The following ATXN1 variants were observed in gnomAD, a reference collection of about 807,000 sequenced individuals.
The protein encoded by ATXN1 is ataxin 1, also known as ataxin-1.
A neutral mutation model predicts 56.4 loss-of-function variants in ATXN1; 8 were observed. That is an observed-to-expected ratio of 0.14 (90% CI 0.08 to 0.26). The LOEUF (loss-of-function observed/expected upper bound fraction) is 0.26, where lower values mean the gene tolerates loss of function less well. ATXN1 is among the 10% of genes least tolerant of loss of function. ATXN1 has a pLI of 1.00. For synonymous variants in ATXN1, 514 were observed against 494.6 expected (o/e 1.04, Z -0.52); for missense variants, 987 against 1,106.5 (o/e 0.89, Z 1.53).
chr6:16,714,289 C>A (rs1242281705), intron 2 of ATXN1, among the ~76,000 whole-genome samples: 1 of 151,786 alleles, frequency 6.6e-6, no homozygotes, highest in Non-Finnish European at 1.5e-5. Context: ...ACCCACCTTT[C>A]GGAGGTAGGC....
intron 3 of ATXN1, among the ~76,000 whole-genome samples, chr6:16,656,437 G>A (rs754151599): frequency 3.9e-5 from 6 of 152,124 alleles, no homozygotes; most frequent in Non-Finnish European, 8.8e-5. Flanking sequence ...AGATAGGTGG[G>A]GCAGACCTAG....
intron 6 of ATXN1, among the ~76,000 whole-genome samples, chr6:16,411,759 T>C (rs1416723612): frequency 6.6e-6 from 1 of 152,210 alleles, no homozygotes; most frequent in Non-Finnish European, 1.5e-5. Context: ...GAAGACCTTG[T>C]TTCCAGTCAT....
At chr6:16,574,545 A>G (rs1417452802) in intron 4 of ATXN1, among the ~76,000 whole-genome samples, 6 of 152,316 alleles carry the variant, frequency 3.9e-5, no homozygotes, top group Non-Finnish European at 8.8e-5. Context: ...GGGTTTCACC[A>G]TGTTGGCCAG....
chr6:16,529,978 C>T (rs1230127850), intron 4 of ATXN1, among the ~76,000 whole-genome samples: 3 of 152,070 alleles, frequency 2.0e-5, no homozygotes, highest in Admixed American at 6.6e-5. Flanking sequence ...TTATTGAGTC[C>T]GTGAATGTCC....
At chr6:16,626,638 T>C (rs529287319) in intron 3 of ATXN1, among the ~76,000 whole-genome samples, 3 of 152,344 alleles carry the variant, frequency 2.0e-5, no homozygotes, top group South Asian at 4.1e-4. Flanking sequence ...AGTTAACTTA[T>C]GGATACTGTT....
intron 6 of ATXN1, among the ~76,000 whole-genome samples, chr6:16,479,985 C>T (rs1324221987): frequency 6.6e-6 from 1 of 151,886 alleles, no homozygotes; most frequent in Non-Finnish European, 1.5e-5. Flanking sequence ...AACCTTGTCT[C>T]TACAAAAAAT....
chr6:16,710,086 A>C (rs563773226), intron 2 of ATXN1, among the ~76,000 whole-genome samples: 1 of 152,318 alleles, frequency 6.6e-6, no homozygotes, highest in East Asian at 1.9e-4. Flanking sequence ...GCAAATGAAA[A>C]ACCTACAGCT....
intron 2 of ATXN1, among the ~76,000 whole-genome samples, chr6:16,672,243 A>T (rs920111264): frequency 9.2e-5 from 14 of 152,190 alleles, no homozygotes; most frequent in African/African-American, 2.9e-4. Flanking sequence ...CAATTTAAAC[A>T]ATTACTTTTC....
intron 2 of ATXN1, among the ~76,000 whole-genome samples, chr6:16,702,924 G>A (rs1165202899): frequency 2.6e-5 from 4 of 152,102 alleles, no homozygotes; most frequent in Non-Finnish European, 4.4e-5. Flanking sequence ...TCAGTGTGGC[G>A]ATTCCTCAGG....
intron 5 of ATXN1, among the ~76,000 whole-genome samples, chr6:16,499,210 G>T (rs1023924141): frequency 6.6e-6 from 1 of 152,054 alleles, no homozygotes; most frequent in African/African-American, 2.4e-5. Flanking sequence ...TTCTTTCTCT[G>T]GCATGTGTCC....
chr6:16,348,061 C>G (rs565664564), intron 6 of ATXN1, among the ~76,000 whole-genome samples: 3 of 152,126 alleles, frequency 2.0e-5, no homozygotes, highest in Non-Finnish European at 4.4e-5. Context: ...TAACACTCAC[C>G]GCAAGGGTCC....
intron 2 of ATXN1, among the ~76,000 whole-genome samples, chr6:16,730,393 T>C (rs934114038): frequency 2.0e-5 from 3 of 150,964 alleles, no homozygotes; most frequent in Non-Finnish European, 4.4e-5. Context: ...CAATTTAAAT[T>C]CAAGATTATC....
At chr6:16,426,726 C>T (rs781447654) in intron 6 of ATXN1, among the ~76,000 whole-genome samples, 1 of 152,114 alleles carries the variant, frequency 6.6e-6, no homozygotes, top group Non-Finnish European at 1.5e-5. Context: ...ATTTGTACAT[C>T]TCTGTCTATC....
At chr6:16,639,720 C>T (rs1230411969) in intron 3 of ATXN1, among the ~76,000 whole-genome samples, 1 of 152,236 alleles carries the variant, frequency 6.6e-6, no homozygotes, top group East Asian at 1.9e-4. Context: ...AACACATTCA[C>T]TCTGACATGC....
chr6:16,526,919 T>A (rs1761406381), intron 4 of ATXN1, among the ~76,000 whole-genome samples: 1 of 151,422 alleles, frequency 6.6e-6, no homozygotes, highest in South Asian at 2.1e-4. Context: ...TTCAGCCCAA[T>A]CATGGTAGAG....
At chr6:16,603,835 G>A (rs537358923) in intron 3 of ATXN1, among the ~76,000 whole-genome samples, 8 of 152,238 alleles carry the variant, frequency 5.3e-5, no homozygotes, top group African/African-American at 1.9e-4. Flanking sequence ...CTGGGGTGGG[G>A]ATGAGGACAG....
At position 16,328,522 on chromosome 6, in the gene ATXN1, G is replaced by A. The variant is rs1440691863; in HGVS notation, c.-160-52C>T. ...AAGGGAAAAGGAAAGGGAGGAGAAA[G>A]GGAAGGAGGGAAAGGACATCAGAAC... On this transcript the variant is annotated intron_variant, in intron 6 of 7. Coordinates refer to ENST00000436367, the MANE Select transcript of ATXN1 (RefSeq NM_001128164.2). The surrounding 1 kb of genome is among the most constrained non-coding windows in gnomAD (Gnocchi z 6.2). 9 of 860,238 alleles carry A rather than the reference G, an allele frequency of 1.0e-5. No individual in the cohort carries two copies. The highest frequency in any genetic ancestry group is 1.4e-5 in the Non-Finnish European group (9 of 631,618). The allele number at this position is 860,238 out of a possible 1,614,324, so 53.3% of individuals were successfully genotyped here. A position where few individuals can be genotyped will look rare whatever the true frequency, so the allele number is the denominator to read the frequency against.
chr6:16,416,152 T>A (rs1255796949), intron 6 of ATXN1, among the ~76,000 whole-genome samples: 1 of 151,156 alleles, frequency 6.6e-6, no homozygotes, highest in Non-Finnish European at 1.5e-5. Flanking sequence ...AGTGTGCTGA[T>A]AACAAATGGT....
At chr6:16,441,795 T>TA (rs1759523236) in intron 6 of ATXN1, among the ~76,000 whole-genome samples, 1 of 151,784 alleles carries the variant, frequency 6.6e-6, no homozygotes, top group African/African-American at 2.4e-5. Flanking sequence ...TGAGGAGTGC[T>TA]AAAAAATAGA....
Sources: allele counts gnomAD v4.1 joint callset (sites outside exome capture counted in the v4.1 genomes callset), GRCh38; gene constraint gnomAD v4.1.1; non-coding constraint Gnocchi (gnomAD v3.1); transcripts MANE v1.5; gene names NCBI Gene and HGNC (gene_info 2026-07-23, HGNC 2026-07-21).